SPAG16: variants seen among roughly 807,000 people sequenced by gnomAD.
SPAG16 encodes sperm associated antigen 16.
A neutral mutation model predicts 80.4 loss-of-function variants in SPAG16; 86 were observed. The ratio of observed to expected loss-of-function variants is 1.07; its 90% CI spans 0.90 to 1.28. The LOEUF (loss-of-function observed/expected upper bound fraction) is 1.28, where lower values mean the gene tolerates loss of function less well. Ranked by LOEUF, SPAG16 falls within the 50% of genes most tolerant of loss-of-function variation. The pLI is 0.00. For missense variants in SPAG16, 870 were observed against 765.3 expected (o/e 1.14, Z -1.61); for synonymous variants, 294 against 265.9 (o/e 1.11, Z -1.03).
chr2:214,135,639 G>A (rs900406700), intron 14 of SPAG16, among the ~76,000 whole-genome samples: 1 of 152,074 alleles, frequency 6.6e-6, no homozygotes, highest in Non-Finnish European at 1.5e-5. Context: ...GGGGATGAGT[G>A]AGTTTCTACT....
rs192148047 is a variant in SPAG16 at position 214,156,288 on chromosome 2, G to A, written c.1720+7022G>A. On this transcript the variant is annotated intron_variant, in intron 15 of 15. Coordinates refer to ENST00000331683, the MANE Select transcript of SPAG16 (RefSeq NM_024532.5). ...TAGAACTCCAACCTTACACTGCAGT[G>A]TAAATTCCTATTCAAGGAATTAGGG... 2.5e-3 allele frequency among the ~76,000 whole-genome samples: 382 copies of A among 152,218 alleles called. 2 individuals carry two copies. Among genetic ancestry groups the A allele is most frequent in the Non-Finnish European group, 4.8e-3 (324 of 68,024 alleles).
chr2:213,791,936 C>T (rs558934305), intron 10 of SPAG16, among the ~76,000 whole-genome samples: 3 of 152,248 alleles, frequency 2.0e-5, no homozygotes, highest in African/African-American at 7.2e-5. Flanking sequence ...TTAAAGCATT[C>T]ATTAACATAT....
chr2:213,348,943 C>G (rs1269959548), intron 6 of SPAG16, among the ~76,000 whole-genome samples: 3 of 152,086 alleles, frequency 2.0e-5, no homozygotes, highest in Non-Finnish European at 4.4e-5. Context: ...GGAATTGTCA[C>G]TAAAATAGAT....
intron 14 of SPAG16, among the ~76,000 whole-genome samples, chr2:214,116,495 C>T (rs531529876): frequency 3.3e-5 from 5 of 152,226 alleles, no homozygotes; most frequent in Non-Finnish European, 5.9e-5. Flanking sequence ...TGCACACTCA[C>T]GTGGGCCAGT....
intron 14 of SPAG16, among the ~76,000 whole-genome samples, chr2:214,114,885 C>A (rs2053857913): frequency 6.6e-6 from 1 of 152,178 alleles, no homozygotes; most frequent in South Asian, 2.1e-4. Context: ...CCGTCTTCTG[C>A]ATTGATCATG....
chr2:213,813,600 G>T (rs951129638), intron 10 of SPAG16, among the ~76,000 whole-genome samples: 1 of 152,112 alleles, frequency 6.6e-6, no homozygotes, highest in African/African-American at 2.4e-5. Context: ...TTGGGGGACA[G>T]GTAGAAGCAA....
At chr2:213,313,767 C>T (rs1212584193) in intron 4 of SPAG16, among the ~76,000 whole-genome samples, 1 of 151,736 alleles carries the variant, frequency 6.6e-6, no homozygotes, top group East Asian at 1.9e-4. Flanking sequence ...ACATGTCAGC[C>T]ATGCTATATT....
At chr2:213,866,511 T>C (rs112650124) in intron 11 of SPAG16, among the ~76,000 whole-genome samples, 8 of 152,082 alleles carry the variant, frequency 5.3e-5, no homozygotes, top group Non-Finnish European at 7.4e-5. Flanking sequence ...CTAGCAACTA[T>C]ACCTGTTAAC....
chr2:214,374,667 G>C (rs1700022479), intron 15 of SPAG16, among the ~76,000 whole-genome samples: 1 of 152,140 alleles, frequency 6.6e-6, no homozygotes, highest in African/African-American at 2.4e-5. Context: ...CAAATGTGTT[G>C]AATAATCAGG....
intron 14 of SPAG16, among the ~76,000 whole-genome samples, chr2:214,145,005 TAA>T (rs909276957): frequency 2.8e-4 from 42 of 152,204 alleles, no homozygotes; most frequent in African/African-American, 9.4e-4. Flanking sequence ...CCCGTAATCC[TAA>T]AAGTTAGGAT....
intron 10 of SPAG16, among the ~76,000 whole-genome samples, chr2:213,788,718 G>C (rs2070497008): frequency 1.3e-5 from 2 of 151,790 alleles, no homozygotes; most frequent in South Asian, 4.1e-4. Flanking sequence ...TTCAAAACTT[G>C]CTTCAAATAT....
intron 13 of SPAG16, among the ~76,000 whole-genome samples, chr2:214,102,055 A>C (rs1050535908): frequency 6.6e-6 from 1 of 151,746 alleles, no homozygotes; most frequent in African/African-American, 2.4e-5. Context: ...ATGAAAATAA[A>C]TATTGAGAAG....
intron 10 of SPAG16, among the ~76,000 whole-genome samples, chr2:213,517,214 G>A (rs1018411503): frequency 3.9e-5 from 6 of 151,912 alleles, no homozygotes; most frequent in Admixed American, 1.3e-4. Context: ...TTACAACAGC[G>A]GCAAAGAAAA....
In SPAG16 at chr2:213,391,615, T is replaced by C. The variant is rs1053807348; in HGVS notation, c.942+16496T>C. On this transcript the variant is annotated intron_variant, in intron 9 of 15. Coordinates refer to ENST00000331683, the MANE Select transcript of SPAG16 (RefSeq NM_024532.5). ...ATAATATATGTAAGATATCTAACAC[T>C]GTGCTTATAACAGGATTTAGACTCA... 5.9e-5 allele frequency among the ~76,000 whole-genome samples: 9 copies of C among 152,174 alleles called. No individual in the cohort carries two copies. In the South Asian group the frequency reaches 1.9e-3, roughly 31 times the overall value.
In SPAG16 at chr2:213,406,845, C is replaced by T. The variant is rs180939155; in HGVS notation, c.942+31726C>T. Among the ~76,000 whole-genome samples, 311 of 151,386 alleles carry T rather than the reference C, an allele frequency of 2.1e-3. 2 individuals are homozygous for T. Among genetic ancestry groups the T allele is most frequent in the African/African-American group, 6.8e-3 (280 of 41,240 alleles). On this transcript the variant is annotated intron_variant, in intron 9 of 15. Coordinates refer to ENST00000331683, the MANE Select transcript of SPAG16 (RefSeq NM_024532.5). ...CGGTCTCTCCTCTCTCGTGAGGAGG[C>T]GCACCCAGCCCTAGTGTGGTGGCCT...
At chr2:213,656,293 C>G (rs60427789) in intron 10 of SPAG16, among the ~76,000 whole-genome samples, 1,961 of 152,344 alleles carry the variant, frequency 0.013, 45 homozygotes, top group African/African-American at 0.043. Flanking sequence ...GCCTCAGCCT[C>G]CGGAGTAGCT....
intron 10 of SPAG16, among the ~76,000 whole-genome samples, chr2:213,602,157 G>A (rs2061089301): frequency 6.6e-6 from 1 of 152,208 alleles, no homozygotes; most frequent in African/African-American, 2.4e-5. Flanking sequence ...CTGTGGACTG[G>A]GGTTGGGACC....
chr2:214,027,120 T>G (rs1219977606), intron 13 of SPAG16, among the ~76,000 whole-genome samples: 2 of 151,578 alleles, frequency 1.3e-5, no homozygotes, highest in Non-Finnish European at 3.0e-5. Context: ...TTAAAAGTAC[T>G]TAGAAACACA....
intron 14 of SPAG16, among the ~76,000 whole-genome samples, chr2:214,120,683 C>T (rs1289308867): frequency 6.6e-6 from 1 of 151,862 alleles, no homozygotes; most frequent in East Asian, 1.9e-4. Flanking sequence ...TATCCACAGG[C>T]ACCGCTTCTC....
Sources: gnomAD v4.1 joint callset for allele counts (sites outside exome capture counted in the v4.1 genomes callset) on GRCh38, gnomAD v4.1.1 for gene constraint, MANE v1.5 for transcripts, NCBI Gene and HGNC (gene_info 2026-07-23, HGNC 2026-07-21) for gene names.